Variants in MBD3 observed in about 807,000 individuals in gnomAD.
MBD3 encodes the protein methyl-CpG binding domain protein 3.
MBD3 carries 13 observed loss-of-function variants against 31.2 expected under a neutral mutation model. The ratio of observed to expected loss-of-function variants is 0.42; its 90% CI spans 0.27 to 0.66. MBD3 has a LOEUF of 0.66. MBD3 is among the 30% of genes least tolerant of loss of function. The pLI, the probability that MBD3 is intolerant of heterozygous loss-of-function variation, is 0.26. For synonymous variants in MBD3, 223 were observed against 187.4 expected, an observed-to-expected ratio of 1.19 and a Z score of -1.55; for missense variants, 440 against 426.5, an observed-to-expected ratio of 1.03 and a Z score of -0.28.
intron 1 of MBD3, among the ~76,000 whole-genome samples, chr19:1,588,984 C>A (rs992561599): frequency 6.6e-6 from 1 of 152,064 alleles, no homozygotes; most frequent in Non-Finnish European, 1.5e-5. Flanking sequence ...ACCATTGACT[C>A]GTGCACTTTA....
chr19:1,585,424 C>T lies in MBD3; in HGVS notation c.111-210G>A. 1 of 578,216 alleles carries T rather than the reference C, an allele frequency of 1.7e-6. No individual in the cohort carries two copies. The highest frequency in any genetic ancestry group is 3.1e-6 in the Non-Finnish European group (1 of 325,076). 35.8% of individuals were successfully genotyped at this position (578,216 alleles called of 1,614,324 possible). A position where few individuals can be genotyped will look rare whatever the true frequency, so the allele number is the denominator to read the frequency against. ...GTGACCCCAGACCTTCATCCCAGAC[C>T]CCAGCACCCCACAACTGGCCCCTAG... On this transcript the variant is annotated intron_variant, in intron 1 of 6. Coordinates refer to ENST00000434436, the MANE Select transcript of MBD3 (RefSeq NM_001281453.2). This position sits in a 1 kb window ranked among gnomAD's most constrained non-coding sequence, Gnocchi z 4.1.
chr19:1,578,224 G>A lies in MBD3; in HGVS notation c.*6-66C>T, dbSNP rs1344392306. On this transcript the variant is annotated intron_variant, in intron 6 of 6. Coordinates refer to ENST00000434436, the MANE Select transcript of MBD3 (RefSeq NM_001281453.2). The surrounding 1 kb of genome is among the most constrained non-coding windows in gnomAD (Gnocchi z 6.1). ...GACGGGGACGCTTGGGCTCTTCTAG[G>A]GAGATGGGAAGCTCTTGGGAGGCAC... 1.3e-6 allele frequency: 2 copies of A among 1,522,050 alleles called. No homozygotes were observed. The highest frequency in any genetic ancestry group is 1.4e-5 in the African/African-American group (1 of 73,290). The allele number at this position is 1,522,050 out of a possible 1,614,324, so 94.3% of individuals were successfully genotyped here.
In MBD3 at chr19:1,579,004, C is replaced by G. The variant is rs192298326; in HGVS notation, c.678-466G>C. Among the ~76,000 whole-genome samples the G allele has an allele frequency of 4.0e-3, 605 of 151,906 alleles. 1 individual carries two copies. Among genetic ancestry groups the G allele is most frequent in the Non-Finnish European group, 6.2e-3 (422 of 67,910 alleles). ...TTCGAGACCAGCCTGACCAACATGA[C>G]GAAACCCCATCTCTACTAAAAATAT... On this transcript the variant is annotated intron_variant, in intron 5 of 6. Coordinates refer to ENST00000434436, the MANE Select transcript of MBD3 (RefSeq NM_001281453.2).
intron 1 of MBD3, among the ~76,000 whole-genome samples, chr19:1,590,979 G>A (rs1229290377): frequency 2.0e-5 from 3 of 152,206 alleles, no homozygotes; most frequent in Admixed American, 6.5e-5. Context: ...TCATGCTCAG[G>A]GCCAGGGCCC....
In MBD3 at chr19:1,578,532, C is replaced by T; in HGVS notation, c.684G>A (p.Gln228=). ...FMVTDEDIRK[Q]EELVQQVRKR... is the part of the protein sequence containing the mutation. The stretch of plus-strand genomic sequence containing the variant: ...TCCGCACCTGCTGCACCAGCTCTTC[C>T]TGCTTCCTGGGGACACATGGACCTT... Residue 228 remains glutamine, a synonymous_variant, in exon 6 of 7, where the codon CAG becomes CAA. Transcript: ENST00000434436. The surrounding 1 kb of genome is among the most constrained non-coding windows in gnomAD (Gnocchi z 6.1). 1.2e-6 allele frequency: 2 copies of T among 1,612,250 alleles called. No homozygotes were observed. The highest frequency in any genetic ancestry group is 1.7e-5 in the Admixed American group (1 of 60,030).
At chr19:1,581,558 C>G in intron 4 of MBD3, 2 of 501,886 alleles carry the variant, frequency 4.0e-6, no homozygotes, top group South Asian at 4.1e-5. Context: ...GCCTGGACAA[C>G]ACAGTGAGAC....
At position 1,585,862 on chromosome 19, in the gene MBD3, C is replaced by T. The variant is rs1568276732; in HGVS notation, c.111-648G>A. ...GCCCTAACAGCTGCTTGGGCATAACCCGACTGGAGAGCTCGCAACAAGGCA... is the reference window on the plus strand; with the variant it reads ...GCCCTAACAGCTGCTTGGGCATAACTCGACTGGAGAGCTCGCAACAAGGCA... On this transcript the variant is annotated intron_variant, in intron 1 of 6. Coordinates refer to ENST00000434436, the MANE Select transcript of MBD3 (RefSeq NM_001281453.2). This position sits in a 1 kb window ranked among gnomAD's most constrained non-coding sequence, Gnocchi z 4.1. The T allele has an allele frequency of 6.5e-6, 1 of 154,260 alleles. No homozygotes were observed. Among genetic ancestry groups the T allele is most frequent in the Non-Finnish European group, 1.4e-5 (1 of 69,464 alleles). The allele number at this position is 154,260 out of a possible 1,614,324, so 9.6% of individuals were successfully genotyped here.
chr19:1,580,401 C>T (rs1231782244), intron 5 of MBD3, among the ~76,000 whole-genome samples: 8 of 152,224 alleles, frequency 5.3e-5, no homozygotes, highest in Admixed American at 2.6e-4. Context: ...ACAGGAAACC[C>T]GCATGCCCAG....
intron 1 of MBD3, among the ~76,000 whole-genome samples, chr19:1,590,135 T>A (rs1229200176): frequency 6.7e-6 from 1 of 148,732 alleles, no homozygotes; most frequent in Non-Finnish European, 1.5e-5. Flanking sequence ...CCTTCTCTAC[T>A]AAAAATACAA....
At position 1,575,909 on chromosome 19, in the gene MBD3, G is replaced by C. The variant is rs1004413187; in HGVS notation, c.*2255C>G. ...ATCATCACATCTCAGACCAAGGCCA[G>C]GACATGGCCAGAACCCCGGGATCAG... On this transcript the variant is annotated 3_prime_UTR_variant, in exon 7 of 7. Transcript: ENST00000434436. 6 of 152,384 alleles carry C rather than the reference G, an allele frequency of 3.9e-5. No homozygotes were observed. The highest frequency in any genetic ancestry group is 1.2e-4 in the African/African-American group (5 of 41,456). The allele number at this position is 152,384 out of a possible 1,614,324, so 9.4% of individuals were successfully genotyped here. A position where few individuals can be genotyped will look rare whatever the true frequency, so the allele number is the denominator to read the frequency against.
At position 1,578,747 on chromosome 19, in the gene MBD3, C is replaced by A. The variant is rs1311491034; in HGVS notation, c.678-209G>T. ...CTGGCCATCGCCAGCGTCCGCCACC[C>A]TCCCAGATGGCCCCCCTGCCACCTC... On this transcript the variant is annotated intron_variant, in intron 5 of 6. Transcript: ENST00000434436. This position sits in a 1 kb window ranked among gnomAD's most constrained non-coding sequence, Gnocchi z 6.1. 6.6e-6 allele frequency among the ~76,000 whole-genome samples: 1 copy of A among 152,176 alleles called. No individual in the cohort carries two copies. Among genetic ancestry groups the A allele is most frequent in the African/African-American group, 2.4e-5 (1 of 41,456 alleles).
chr19:1,579,968 G>A (rs940221749), intron 5 of MBD3, among the ~76,000 whole-genome samples: 3 of 152,184 alleles, frequency 2.0e-5, no homozygotes, highest in Non-Finnish European at 2.9e-5. Context: ...ATGTTGGCCA[G>A]GCTGGTCTTC....
rs1169482657 is a variant in MBD3, at chr19:1,577,762, G to A, written c.*402C>T. ...AGTTTCAAAACTACGCCTCCAGACC[G>A]AGAAACCCTCCCAGCTGTCAGCAAG... On this transcript the variant is annotated 3_prime_UTR_variant, in exon 7 of 7. Transcript: ENST00000434436. 1.2e-5 allele frequency: 2 copies of A among 168,534 alleles called. No individual in the cohort carries two copies. Among genetic ancestry groups the A allele is most frequent in the African/African-American group, 2.4e-5 (1 of 41,582 alleles). 10.4% of individuals were successfully genotyped at this position (168,534 alleles called of 1,614,324 possible). A position where few individuals can be genotyped will look rare whatever the true frequency, so the allele number is the denominator to read the frequency against.
chr19:1,581,089 T>C lies in MBD3; in HGVS notation c.677+3A>G, dbSNP rs774329847. On this transcript the variant is annotated splice_donor_region_variant and intron_variant, in intron 5 of 6. Transcript: ENST00000434436. Reference sequence around the variant, plus strand: ...GCAGCAGGGGACCAGGCCAAGGGGCTACCTGATGTCCTCGTCGGTCACCAT... The same window carrying C: ...GCAGCAGGGGACCAGGCCAAGGGGCCACCTGATGTCCTCGTCGGTCACCAT... The C allele has an allele frequency of 6.2e-7, 1 of 1,614,094 alleles. No homozygotes were observed. The highest frequency in any genetic ancestry group is 2.2e-5 in the East Asian group (1 of 44,866).
Position 1,585,522 on chromosome 19 carries a change from C to T in MBD3, c.111-308G>A, listed in dbSNP as rs993424584. 7 of 411,206 alleles carry T rather than the reference C, an allele frequency of 1.7e-5. No individual in the cohort carries two copies. Among genetic ancestry groups the T allele is most frequent in the Non-Finnish European group, 3.2e-5 (7 of 219,766 alleles). The allele number at this position is 411,206 out of a possible 1,614,324, so 25.5% of individuals were successfully genotyped here. A position where few individuals can be genotyped will look rare whatever the true frequency, so the allele number is the denominator to read the frequency against. Reference sequence around the variant, plus strand: ...CTGGCCCTAGCCCCAGCCTCCACATCGGATCCTTGCTCCAGACCCCCAACC... The same window carrying T: ...CTGGCCCTAGCCCCAGCCTCCACATTGGATCCTTGCTCCAGACCCCCAACC... On this transcript the variant is annotated intron_variant, in intron 1 of 6. Transcript: ENST00000434436. This position sits in a 1 kb window ranked among gnomAD's most constrained non-coding sequence, Gnocchi z 4.1.
chr19:1,584,494 G>A (rs778866232), intron 3 of MBD3, 46 bp downstream of exon 3: 9 of 1,607,878 alleles, frequency 5.6e-6, no homozygotes, highest in Non-Finnish European at 7.6e-6. Context: ...CCACCAAAGT[G>A]AACAACCCGG....
At chr19:1,589,030 C>T (rs1436385475) in intron 1 of MBD3, among the ~76,000 whole-genome samples, 3 of 151,998 alleles carry the variant, frequency 2.0e-5, no homozygotes, top group Non-Finnish European at 4.4e-5. Context: ...AACTGTATCT[C>T]GATAACACCT....
chr19:1,589,445 G>A (rs1053001269), intron 1 of MBD3, among the ~76,000 whole-genome samples: 2 of 151,756 alleles, frequency 1.3e-5, no homozygotes, highest in African/African-American at 2.4e-5. Flanking sequence ...CTGAGGTCAG[G>A]AGTTCAAGAC....
intron 1 of MBD3, chr19:1,592,008 G>C (rs1157389921): frequency 6.6e-6 from 1 of 152,300 alleles, no homozygotes; most frequent in Non-Finnish European, 1.5e-5. Context: ...AACGCTGCGT[G>C]GGAGACCAGT....
Sources: gnomAD v4.1 joint callset for allele counts (sites outside exome capture counted in the v4.1 genomes callset) on GRCh38, gnomAD v4.1.1 for gene constraint, Gnocchi (gnomAD v3.1) non-coding constraint, MANE v1.5 for transcripts, NCBI Gene and HGNC (gene_info 2026-07-23, HGNC 2026-07-21) for gene names.